The following DPH7 variants were observed in gnomAD, a reference collection of about 807,000 sequenced individuals.
The protein encoded by DPH7 is diphthamide biosynthesis 7, also known as diphthine methyltransferase.
Under a neutral mutation model 41.7 loss-of-function variants are expected in DPH7, and 44 were observed. That is an observed-to-expected ratio of 1.05 (90% CI 0.83 to 1.36). DPH7 has a LOEUF of 1.36. Among genes scored for constraint, DPH7 ranks in the 40% most tolerant of loss-of-function variants. DPH7 has a pLI of 0.00. For synonymous variants in DPH7, 275 were observed against 238.0 expected, an observed-to-expected ratio of 1.16 and a Z score of -1.43; for missense variants, 629 against 577.5, an observed-to-expected ratio of 1.09 and a Z score of -0.91.
chr9:137,558,760 C>T (rs146397856), intron 8 of DPH7, among the ~76,000 whole-genome samples: 6 of 152,104 alleles, frequency 3.9e-5, no homozygotes, highest in African/African-American at 1.2e-4. Flanking sequence ...TTTTTTGAGA[C>T]GGAGTGTCAC....
chr9:137,571,087 G>C (rs1840347963), intron 5 of DPH7, among the ~76,000 whole-genome samples: 1 of 152,024 alleles, frequency 6.6e-6, no homozygotes, highest in Non-Finnish European at 1.5e-5. Context: ...GACCCTGGGA[G>C]GTTAAGGCTG....
intron 8 of DPH7, among the ~76,000 whole-genome samples, chr9:137,558,638 A>T (rs1837942697): frequency 6.6e-6 from 1 of 152,254 alleles, no homozygotes; most frequent in Non-Finnish European, 1.5e-5. Context: ...AGACAGAGTA[A>T]ACGGAGGTTA....
At chr9:137,578,458 G>C (rs1333283806) in intron 1 of DPH7, 167 bp downstream of exon 1, 2 of 843,660 alleles carry the variant, frequency 2.4e-6, no homozygotes, top group Non-Finnish European at 3.4e-6. Flanking sequence ...GAGCCACTGC[G>C]CCCGGCCGAG....
Position 137,564,898 on chromosome 9 carries a change from C to T in DPH7, c.771G>A (p.Thr257=), listed in dbSNP as rs779435873. The T allele has an allele frequency of 1.0e-5, 16 of 1,594,208 alleles. No individual in the cohort carries two copies. The highest frequency in any genetic ancestry group is 1.7e-4 in the Middle Eastern group (1 of 5,986). ...AGAGCCTCCTGGGGACTCACCTTCC[C>T]GTGGCCAGGATGTGCTCCCGATGAG... is the stretch of plus-strand genomic sequence containing the variant. ...SSPHREHILA[T]GSYDEHILLW... is the part of the protein sequence containing the mutation. Residue 257 remains threonine, a synonymous_variant, in exon 7 of 9, where the codon ACG becomes ACA. Transcript: ENST00000277540.
At chr9:137,573,078 T>A (rs188757303) in intron 5 of DPH7, among the ~76,000 whole-genome samples, 1 of 152,116 alleles carries the variant, frequency 6.6e-6, no homozygotes, top group African/African-American at 2.4e-5. Context: ...AAAGAATAAG[T>A]GGGCGGGGCA....
At chr9:137,557,925 A>T (rs184467570) in intron 8 of DPH7, among the ~76,000 whole-genome samples, 15 of 152,310 alleles carry the variant, frequency 9.8e-5, no homozygotes, top group Admixed American at 6.5e-5. Flanking sequence ...ACCTGAGGTC[A>T]GGAGTTCAAG....
chr9:137,577,906 A>G (rs1841707208), intron 1 of DPH7: 4 of 952,054 alleles, frequency 4.2e-6, no homozygotes, highest in South Asian at 9.7e-5. Flanking sequence ...CCAGTGCCCA[A>G]TTTGGATCCT....
chr9:137,571,882 A>G (rs558893141), intron 5 of DPH7, among the ~76,000 whole-genome samples: 2 of 152,218 alleles, frequency 1.3e-5, no homozygotes, highest in Admixed American at 6.5e-5. Context: ...CACCTAGAAT[A>G]GGGCTCAGCA....
rs116416893 is a variant in DPH7 at position 137,554,576 on chromosome 9, C to G, written c.*663G>C. ...CCTCAGCCTCCCAAGTGGCTGGGAC[C>G]ATAGGCACATGCACCACACCTGGCT... On this transcript the variant is annotated 3_prime_UTR_variant, in exon 9 of 9. Coordinates refer to ENST00000277540, the MANE Select transcript of DPH7 (RefSeq NM_138778.5). 0.013 allele frequency among the ~76,000 whole-genome samples: 1,923 copies of G among 152,086 alleles called. 36 individuals carry two copies. Among genetic ancestry groups the G allele is most frequent in the African/African-American group, 0.044 (1,816 of 41,484 alleles).
chr9:137,578,781 G>A lies in DPH7; in HGVS notation c.-4C>T. 1 of 1,472,782 alleles carries A rather than the reference G, an allele frequency of 6.8e-7. No homozygotes were observed. The highest frequency in any genetic ancestry group is 9.0e-7 in the Non-Finnish European group (1 of 1,109,518). 91.2% of individuals were successfully genotyped at this position (1,472,782 alleles called of 1,614,324 possible). ...GCAGGGCGAAACAGCCCATCATCCA[G>A]CCCTCGGGGAAGGGCGCGGAGCCGG... On this transcript the variant is annotated 5_prime_UTR_variant, in exon 1 of 9. Transcript: ENST00000277540.
chr9:137,557,900 C>T (rs963322305), intron 8 of DPH7, among the ~76,000 whole-genome samples: 13 of 152,172 alleles, frequency 8.5e-5, no homozygotes, highest in South Asian at 4.2e-4. Context: ...TTTGGGAGGC[C>T]GAGGCGGGTT....
rs142225603 is a variant in DPH7, at chr9:137,574,109, C to A, written c.640+99G>T. On this transcript the variant is annotated intron_variant, in intron 5 of 8. Coordinates refer to ENST00000277540, the MANE Select transcript of DPH7 (RefSeq NM_138778.5). ...CCATAAAAGGTCTTCAAGATCCCAACATAACTGGAATCACAGCTGTGGCAC... is the reference window on the plus strand; with the variant it reads ...CCATAAAAGGTCTTCAAGATCCCAAAATAACTGGAATCACAGCTGTGGCAC... 12 of 1,281,648 alleles carry A rather than the reference C, an allele frequency of 9.4e-6. No homozygotes were observed. The East Asian group carries it at 2.6e-4, about 27-fold the overall frequency. The allele number at this position is 1,281,648 out of a possible 1,614,324, so 79.4% of individuals were successfully genotyped here.
intron 8 of DPH7, among the ~76,000 whole-genome samples, chr9:137,558,709 T>G (rs1564405237): frequency 6.6e-6 from 1 of 152,204 alleles, no homozygotes; most frequent in Admixed American, 6.5e-5. Context: ...GTAGCAGTGA[T>G]GATTGCACAG....
At chr9:137,558,764 G>C (rs1018963520) in intron 8 of DPH7, among the ~76,000 whole-genome samples, 1 of 152,124 alleles carries the variant, frequency 6.6e-6, no homozygotes, top group Non-Finnish European at 1.5e-5. Context: ...TTGAGACGGA[G>C]TGTCACTGTC....
Position 137,555,398 on chromosome 9 carries a change from T to C in DPH7, c.1200A>G (p.Thr400=), listed in dbSNP as rs370576791. ...ARPQSGMKPL[T]EGMRKNGTWL... is the part of the protein sequence containing the mutation. ...AGGTGCCATTCTTCCTCATGCCCTC[T>C]GTGAGTGGCTTCATTCCACTCTGGG... is the stretch of plus-strand genomic sequence containing the variant. Residue 400 remains threonine (T), a synonymous_variant, in exon 9 of 9, where the codon ACA becomes ACG. Coordinates refer to ENST00000277540, the MANE Select transcript of DPH7 (RefSeq NM_138778.5). 29 of 1,614,212 alleles carry C rather than the reference T, an allele frequency of 1.8e-5. No individual in the cohort carries two copies. The African/African-American group carries it at 3.3e-4, about 19-fold the overall frequency.
chr9:137,576,757 G>A (rs893534547), intron 2 of DPH7, among the ~76,000 whole-genome samples: 2 of 152,184 alleles, frequency 1.3e-5, no homozygotes, highest in Admixed American at 1.3e-4. Context: ...GGGTGTGGTG[G>A]CGGGCGCCTG....
At chr9:137,564,760 G>A (rs957684873) in intron 7 of DPH7, 133 bp downstream of exon 7, 14 of 1,419,216 alleles carry the variant, frequency 9.9e-6, no homozygotes, top group East Asian at 7.1e-5. Flanking sequence ...CCTACACTCC[G>A]GCGAAGCACT....
Position 137,565,125 on chromosome 9 carries a change from C to G in DPH7, c.670G>C (p.Asp224His). 1 of 1,614,020 alleles carries G rather than the reference C, an allele frequency of 6.2e-7. No individual in the cohort carries two copies. Among genetic ancestry groups the G allele is most frequent in the Non-Finnish European group, 8.5e-7 (1 of 1,180,008 alleles). The change falls in exon 6 of 9, where the codon GAC becomes CAC. Residue 224 changes from aspartate to histidine, a missense_variant. Transcript: ENST00000277540. ...AGAAATTTGCCGGGTACCCTGGTGT[C>G]CCAGCCCCTCAGAAGGCCATCGTCG... The part of the protein sequence containing the change: ...GGDDGLLRGW[D>H]TRVPGKFLFT...
intron 5 of DPH7, among the ~76,000 whole-genome samples, chr9:137,573,018 A>T (rs1397187342): frequency 1.1e-4 from 16 of 152,162 alleles, no homozygotes; most frequent in Non-Finnish European, 2.9e-5. Flanking sequence ...ACCCTGGCCA[A>T]CACCACCCAA....
Sources: allele counts gnomAD v4.1 joint callset (sites outside exome capture counted in the v4.1 genomes callset), GRCh38; gene constraint gnomAD v4.1.1; transcripts MANE v1.5; gene names NCBI Gene and HGNC (gene_info 2026-07-23, HGNC 2026-07-21).